Variants in PSKH2 observed in about 807,000 individuals in gnomAD.
The protein encoded by PSKH2 is protein serine kinase H2, also known as serine/threonine-protein kinase H2.
Under a neutral mutation model 22.5 loss-of-function variants are expected in PSKH2, and 16 were observed. The ratio of observed to expected loss-of-function variants is 0.71; its 90% confidence interval spans 0.48 to 1.08. The LOEUF (loss-of-function observed/expected upper bound fraction) is 1.08. Among genes scored for constraint, PSKH2 ranks in the 50% least tolerant of loss-of-function variants. The probability of loss-of-function intolerance (pLI) is 0.00; values close to 1 mark genes in which losing one functional copy is unlikely to be tolerated. For missense variants in PSKH2, 516 were observed against 492.8 expected (o/e 1.05, Z -0.44); for synonymous variants, 188 against 184.8 (o/e 1.02, Z -0.14).
chr8:86,069,765 G>A, upstream of PSKH2: 3 of 931,546 alleles, frequency 3.2e-6, no homozygotes, highest in Non-Finnish European at 4.5e-6. Flanking sequence ...CAGGGAGACA[G>A]CCCCCAGGAT....
intron 2 of PSKH2, among the ~76,000 whole-genome samples, chr8:86,052,671 T>C (rs1254349545): frequency 3.9e-5 from 6 of 152,160 alleles, no homozygotes; most frequent in Non-Finnish European, 5.9e-5. Context: ...ATGAAAATTA[T>C]CCAATAATTC....
chr8:86,050,888 C>CT (rs1363370348), intron 2 of PSKH2, among the ~76,000 whole-genome samples: 2 of 152,060 alleles, frequency 1.3e-5, no homozygotes, highest in Admixed American at 1.3e-4. Flanking sequence ...CCTATTAACT[C>CT]TATGTTTTGT....
At chr8:86,054,072 C>T (rs1462133945) in intron 2 of PSKH2, among the ~76,000 whole-genome samples, 2 of 152,020 alleles carry the variant, frequency 1.3e-5, no homozygotes, top group Non-Finnish European at 2.9e-5. Flanking sequence ...AAAAGCTAAA[C>T]ACTACACACA....
At position 86,064,289 on chromosome 8, in the gene PSKH2, C is replaced by T. The variant is rs142800445; in HGVS notation, c.528G>A (p.Ala176=). 3.7e-4 allele frequency: 601 copies of T among 1,613,916 alleles called. 6 individuals carry two copies. In the African/African-American group the frequency reaches 5.8e-3, roughly 16 times the overall value. The change falls in exon 2 of 3, where the codon GCG becomes GCA. Residue 176 remains alanine, a synonymous_variant. Coordinates refer to ENST00000276616, the MANE Select transcript of PSKH2 (RefSeq NM_033126.3). Reference sequence around the variant, plus strand: ...TTAGATTCCTATGAGTTATCTGCAGCGCATGCAAATACCTAATCCCATCAG... The same window carrying T: ...TTAGATTCCTATGAGTTATCTGCAGTGCATGCAAATACCTAATCCCATCAG... ...MVADGIRYLH[A]LQITHRNLKP... is the part of the protein sequence containing the mutation.
Position 86,064,301 on chromosome 8 carries a change from C to T in PSKH2, c.516G>A (p.Arg172=). 6.2e-7 allele frequency: 1 copy of T among 1,614,068 alleles called. No individual in the cohort carries two copies. Among genetic ancestry groups the T allele is most frequent in the Non-Finnish European group, 8.5e-7 (1 of 1,179,982 alleles). ...RILQMVADGI[R]YLHALQITHR... ...GAGTTATCTGCAGCGCATGCAAATACCTAATCCCATCAGCAACCATCTGGA... is the reference window on the plus strand; with the variant it reads ...GAGTTATCTGCAGCGCATGCAAATATCTAATCCCATCAGCAACCATCTGGA... Residue 172 remains arginine (R), a synonymous_variant, in exon 2 of 3, where the codon AGG becomes AGA. Transcript: ENST00000276616.
chr8:86,049,721 A>AG (rs1554583182), intron 2 of PSKH2, among the ~76,000 whole-genome samples: 2 of 68,526 alleles, frequency 2.9e-5, no homozygotes, highest in Non-Finnish European at 5.9e-5. Context: ...AAAGAAAGAA[A>AG]GAAAGAAAGA....
At chr8:86,053,175 C>T (rs932699239) in intron 2 of PSKH2, among the ~76,000 whole-genome samples, 28 of 152,256 alleles carry the variant, frequency 1.8e-4, no homozygotes, top group African/African-American at 5.5e-4. Flanking sequence ...TGGCTCTCCT[C>T]GCACAACACA....
At chr8:86,049,675 GAAGAAAGAAAGAAAGAAAGAAAGAAAGA>G (rs1156489675) in intron 2 of PSKH2, among the ~76,000 whole-genome samples, 3,147 of 105,980 alleles carry the variant, frequency 0.03, 164 homozygotes, top group South Asian at 0.049. Flanking sequence ...GAGTGAGAAA[GAAGAAAGAAAGAAAGAAAGAAAGAAAGA>G]AAGAAAGAAA....
chr8:86,058,678 CA>C (rs1817737671), intron 2 of PSKH2, among the ~76,000 whole-genome samples: 1 of 151,966 alleles, frequency 6.6e-6, no homozygotes, highest in African/African-American at 2.4e-5. Context: ...TAATTCTAAA[CA>C]GTATTTGGAA....
chr8:86,069,811 G>T, upstream of PSKH2: 2 of 605,168 alleles, frequency 3.3e-6, no homozygotes, highest in Non-Finnish European at 5.4e-6. Context: ...ATCATCGCTG[G>T]TCACCGTCTG....
Position 86,069,515 on chromosome 8 carries a change from G to A in PSKH2, c.108C>T (p.Pro36=), listed in dbSNP as rs768480045. Residue 36 remains proline, a synonymous_variant, in exon 1 of 3, where the codon CCC becomes CCT. Coordinates refer to ENST00000276616, the MANE Select transcript of PSKH2 (RefSeq NM_033126.3). ...QAGVGGAGPG[P]EAAAQAAQRI... ...TCTGCGCCGCCTGGGCCGCCGCCTC[G>A]GGCCCAGGCCCCGCGCCTCCGACGC... The A allele has an allele frequency of 1.2e-6, 2 of 1,608,550 alleles. No individual in the cohort carries two copies. The highest frequency in any genetic ancestry group is 1.7e-6 in the Non-Finnish European group (2 of 1,178,214).
At position 86,049,575 on chromosome 8, in the gene PSKH2, G is replaced by GGAGA. The variant is rs10648162; in HGVS notation, c.853-812_853-809dup. On this transcript the variant is annotated intron_variant, in intron 2 of 2. Transcript: ENST00000276616. ...CCCTGTCTCTAAAAAGAAAGAAAGA[G>GGAGA]GAGAGAGAGAGAGAGAGAGAGCGAA... Among the ~76,000 whole-genome samples the GGAGA allele has an allele frequency of 5.7e-3, 724 of 127,126 alleles. 12 individuals carry two copies. Among genetic ancestry groups the GGAGA allele is most frequent in the African/African-American group, 0.017 (555 of 32,992 alleles). 83.4% of individuals were successfully genotyped at this position (127,126 alleles called of 152,430 possible).
rs1563543769 is a variant in PSKH2 at position 86,064,418 on chromosome 8, A to C, written c.399T>G (p.Val133=). 1.2e-6 allele frequency: 2 copies of C among 1,614,044 alleles called. No individual in the cohort carries two copies. Among genetic ancestry groups the C allele is most frequent in the Non-Finnish European group, 1.7e-6 (2 of 1,180,032 alleles). The change falls in exon 2 of 3, where the codon GTT becomes GTG. Residue 133 remains valine (V), a synonymous_variant. Coordinates refer to ENST00000276616, the MANE Select transcript of PSKH2 (RefSeq NM_033126.3). ...CGGTAGCCAGCTCCATTACCATGTA[A>C]ACTTGATCCTCAGTCTCAAAGATCT... ...LMEIFETEDQ[V]YMVMELATGG...
At chr8:86,050,415 C>T (rs1317352875) in intron 2 of PSKH2, among the ~76,000 whole-genome samples, 1 of 152,160 alleles carries the variant, frequency 6.6e-6, no homozygotes, top group African/African-American at 2.4e-5. Flanking sequence ...CACTCATACC[C>T]CACAGTTCAA....
chr8:86,049,550 C>A (rs1817580446), intron 2 of PSKH2, among the ~76,000 whole-genome samples: 1 of 147,498 alleles, frequency 6.8e-6, no homozygotes, highest in Non-Finnish European at 1.5e-5. Context: ...CAGAGTGAGA[C>A]CCTGTCTCTA....
chr8:86,055,775 T>C (rs1431308527), intron 2 of PSKH2, among the ~76,000 whole-genome samples: 2 of 152,114 alleles, frequency 1.3e-5, no homozygotes, highest in Non-Finnish European at 2.9e-5. Context: ...GAGAAGTTAG[T>C]GGAGAAAAGG....
chr8:86,049,742 GAAAGAAACGAAA>G (rs772342710), intron 2 of PSKH2, among the ~76,000 whole-genome samples: 383 of 24,984 alleles, frequency 0.015, 31 homozygotes, highest in African/African-American at 0.039. Flanking sequence ...AAGAAAGAAA[GAAAGAAACGAAA>G]GAAAGAAAGA....
intron 2 of PSKH2, among the ~76,000 whole-genome samples, chr8:86,052,287 C>G (rs1196659147): frequency 6.6e-6 from 1 of 152,166 alleles, no homozygotes; most frequent in Admixed American, 6.5e-5. Flanking sequence ...CGGCCACCCC[C>G]ACTCTTTGCT....
At chr8:86,069,338 C>A in intron 1 of PSKH2, 100 bp downstream of exon 1, 1 of 1,154,048 alleles carries the variant, frequency 8.7e-7, no homozygotes. Context: ...AGAACCCTGT[C>A]CAAAATTGAG....
Sources: allele counts gnomAD v4.1 joint callset (sites outside exome capture counted in the v4.1 genomes callset), GRCh38; gene constraint gnomAD v4.1.1; transcripts MANE v1.5; gene names NCBI Gene and HGNC (gene_info 2026-07-23, HGNC 2026-07-21).